PIAS2: variants seen among roughly 807,000 people sequenced by gnomAD.
PIAS2 encodes the protein protein inhibitor of activated STAT 2.
A neutral mutation model predicts 69.7 loss-of-function variants in PIAS2; 19 were observed. The observed-to-expected ratio is 0.27, with a 90% CI of 0.19 to 0.40. The LOEUF (loss-of-function observed/expected upper bound fraction) is 0.40. PIAS2 is among the 10% of genes least tolerant of loss of function. The pLI is 1.00. For missense variants in PIAS2, 624 were observed against 757.0 expected, an observed-to-expected ratio of 0.82 and a Z score of 2.06; for synonymous variants, 261 against 263.2, an observed-to-expected ratio of 0.99 and a Z score of 0.08.
At chr18:46,834,605 GT>G (rs2044163062) in intron 9 of PIAS2, among the ~76,000 whole-genome samples, 1 of 152,196 alleles carries the variant, frequency 6.6e-6, no homozygotes, top group African/African-American at 2.4e-5. Flanking sequence ...ATTTTTATTT[GT>G]TGTTCCATTT....
chr18:46,912,915 C>T (rs1221874560), intron 1 of PIAS2, among the ~76,000 whole-genome samples: 2 of 152,130 alleles, frequency 1.3e-5, no homozygotes, highest in Admixed American at 1.3e-4. Context: ...AAAAATGTGA[C>T]ATCAGGTGAT....
Position 46,879,838 on chromosome 18 carries a change from A to G in PIAS2, c.499+10742T>C, listed in dbSNP as rs150525456. 2.2e-3 allele frequency among the ~76,000 whole-genome samples: 330 copies of G among 152,346 alleles called. 2 individuals carry two copies. The highest frequency in any genetic ancestry group is 7.2e-3 in the African/African-American group (300 of 41,576). On this transcript the variant is annotated intron_variant, in intron 2 of 13. Coordinates refer to ENST00000585916, the MANE Select transcript of PIAS2 (RefSeq NM_004671.5). ...GATAATATGACACGTAAGTCAAATAATAAGACATATAAGTATGATTCTACT... is the reference window on the plus strand; with the variant it reads ...GATAATATGACACGTAAGTCAAATAGTAAGACATATAAGTATGATTCTACT...
chr18:46,813,129 G>A (rs537490645), intron 13 of PIAS2, among the ~76,000 whole-genome samples: 2 of 152,184 alleles, frequency 1.3e-5, no homozygotes, highest in Non-Finnish European at 2.9e-5. Context: ...GTACATAAAC[G>A]TAAAATACTT....
chr18:46,874,986 C>T (rs2050937301), intron 2 of PIAS2, among the ~76,000 whole-genome samples: 1 of 152,074 alleles, frequency 6.6e-6, no homozygotes, highest in Non-Finnish European at 1.5e-5. Context: ...CTTCCACAGC[C>T]AGAGAAAAAT....
At chr18:46,891,170 G>T in intron 1 of PIAS2, 116 bp from the exon 2 acceptor site, 1 of 738,130 alleles carries the variant, frequency 1.4e-6, no homozygotes, top group Non-Finnish European at 2.3e-6. Context: ...GCATGTGCTA[G>T]TAACAGCATT....
intron 11 of PIAS2, 143 bp downstream of exon 11, chr18:46,827,816 A>G (rs1287033815): frequency 4.6e-6 from 3 of 645,774 alleles, no homozygotes; most frequent in Non-Finnish European, 7.6e-6. Context: ...CAATGTGCTT[A>G]CTCGAAAATA....
chr18:46,887,241 A>T (rs933145980), intron 2 of PIAS2, among the ~76,000 whole-genome samples: 2 of 149,968 alleles, frequency 1.3e-5, no homozygotes, highest in Non-Finnish European at 3.0e-5. Context: ...ACATAAATAA[A>T]GCAAAAAGCA....
intron 1 of PIAS2, among the ~76,000 whole-genome samples, chr18:46,892,658 A>C (rs1046728690): frequency 1.3e-5 from 2 of 151,850 alleles, no homozygotes; most frequent in African/African-American, 4.8e-5. Context: ...CCTGTGGTCC[A>C]AGCCACTCAG....
rs1042154635 is a variant in PIAS2, at chr18:46,890,859, C to G, written c.220G>C (p.Asp74His). ...ACCGATGATTTGATTGTGGATAAAT[C>G]AGAAAGTCCTTCAAGAGTTCGTGGA... is the stretch of plus-strand genomic sequence containing the variant. ...RYPRTLEGLS[D>H]LSTIKSSVFS... is the part of the protein sequence containing the mutation. The change falls in exon 2 of 14, where the codon GAT becomes CAT. Residue 74 changes from aspartate (D) to histidine (H), a missense_variant. Coordinates refer to ENST00000585916, the MANE Select transcript of PIAS2 (RefSeq NM_004671.5). The G allele has an allele frequency of 2.2e-5, 36 of 1,614,070 alleles. No individual in the cohort carries two copies. In the East Asian group the frequency reaches 8.0e-4, roughly 36 times the overall value.
At chr18:46,832,987 G>T (rs1197177566) in intron 9 of PIAS2, among the ~76,000 whole-genome samples, 1 of 151,564 alleles carries the variant, frequency 6.6e-6, no homozygotes, top group Non-Finnish European at 1.5e-5. Context: ...ATATAAAATA[G>T]TACAACCGCT....
intron 3 of PIAS2, among the ~76,000 whole-genome samples, chr18:46,861,325 TA>T (rs894523418): frequency 6.6e-6 from 1 of 152,052 alleles, no homozygotes; most frequent in Admixed American, 6.6e-5. Flanking sequence ...AATCTCAATG[TA>T]AAAAAGATTA....
chr18:46,877,053 CT>C (rs1205519673), intron 2 of PIAS2, among the ~76,000 whole-genome samples: 3 of 152,152 alleles, frequency 2.0e-5, no homozygotes, highest in Non-Finnish European at 4.4e-5. Flanking sequence ...GACTTATGTC[CT>C]CAATCCTTAC....
intron 1 of PIAS2, among the ~76,000 whole-genome samples, chr18:46,909,461 T>G (rs1453578528): frequency 2.6e-5 from 4 of 152,152 alleles, no homozygotes; most frequent in Non-Finnish European, 5.9e-5. Context: ...TTACCCAGGC[T>G]GGTCTCAAAC....
chr18:46,871,232 A>G (rs1366194466), intron 2 of PIAS2, among the ~76,000 whole-genome samples: 1 of 152,204 alleles, frequency 6.6e-6, no homozygotes, highest in Non-Finnish European at 1.5e-5. Flanking sequence ...AGAGATGAAG[A>G]AAAGCAGAAA....
At chr18:46,818,077 T>C in intron 12 of PIAS2, 2 of 1,000,616 alleles carry the variant, frequency 2.0e-6, no homozygotes, top group Non-Finnish European at 2.4e-6. Flanking sequence ...ATTATTTTAT[T>C]AACACTGATA....
At chr18:46,861,571 A>AT (rs146955705) in intron 3 of PIAS2, among the ~76,000 whole-genome samples, 6,243 of 152,278 alleles carry the variant, frequency 0.041, 170 homozygotes, top group Non-Finnish European at 0.064. Context: ...CAAAAATAAG[A>AT]TATCAATATT....
At chr18:46,858,588 T>A (rs1250407457) in intron 3 of PIAS2, among the ~76,000 whole-genome samples, 1 of 152,086 alleles carries the variant, frequency 6.6e-6, no homozygotes, top group South Asian at 2.1e-4. Flanking sequence ...TCCCAGCTAG[T>A]CAGAAGGCTA....
At chr18:46,829,519 C>T (rs2043287111) in intron 10 of PIAS2, among the ~76,000 whole-genome samples, 1 of 152,088 alleles carries the variant, frequency 6.6e-6, no homozygotes, top group African/African-American at 2.4e-5. Flanking sequence ...CTTTATTCTA[C>T]ACAGGAAAAA....
At chr18:46,840,575 A>C (rs2045230852) in intron 8 of PIAS2, among the ~76,000 whole-genome samples, 1 of 152,176 alleles carries the variant, frequency 6.6e-6, no homozygotes. Flanking sequence ...AGCATACAGA[A>C]ACGAGAATAT....
Sources: allele counts gnomAD v4.1 joint callset (sites outside exome capture counted in the v4.1 genomes callset), GRCh38; gene constraint gnomAD v4.1.1; transcripts MANE v1.5; gene names NCBI Gene and HGNC (gene_info 2026-07-23, HGNC 2026-07-21).